Variants in SGCD observed in about 807,000 individuals in gnomAD.
SGCD encodes delta-sarcoglycan.
A neutral mutation model predicts 36.6 loss-of-function variants in SGCD; 18 were observed. That is an observed-to-expected ratio of 0.49 (90% CI 0.34 to 0.73). SGCD has a LOEUF of 0.73. Among genes scored for constraint, SGCD ranks in the 30% least tolerant of loss-of-function variants. The probability of loss-of-function intolerance (pLI) is 0.01; values close to 1 mark genes in which losing one functional copy is unlikely to be tolerated. For missense variants in SGCD, 387 were observed against 346.7 expected, an observed-to-expected ratio of 1.12 and a Z score of -0.92; for synonymous variants, 133 against 130.6, an observed-to-expected ratio of 1.02 and a Z score of -0.12.
At chr5:156,745,801 GA>G (rs1756915899) in intron 7 of SGCD, among the ~76,000 whole-genome samples, 1 of 152,118 alleles carries the variant, frequency 6.6e-6, no homozygotes, top group African/African-American at 2.4e-5. Flanking sequence ...AAATTCCAAT[GA>G]ATATGAGAAA....
chr5:156,356,692 C>T (rs562049524), intron 3 of SGCD, among the ~76,000 whole-genome samples: 1 of 152,254 alleles, frequency 6.6e-6, no homozygotes, highest in African/African-American at 2.4e-5. Flanking sequence ...TTATATGCTC[C>T]TAATCCTTGG....
At chr5:156,637,760 C>G (rs1762884294) in intron 6 of SGCD, among the ~76,000 whole-genome samples, 1 of 152,102 alleles carries the variant, frequency 6.6e-6, no homozygotes, top group Admixed American at 6.6e-5. Context: ...AGTCAGTGGA[C>G]AAGGTAAAAA....
At chr5:155,951,443 G>C (rs1757546311) in intron 1 of SGCD, among the ~76,000 whole-genome samples, 1 of 152,078 alleles carries the variant, frequency 6.6e-6, no homozygotes, top group Non-Finnish European at 1.5e-5. Context: ...TGTATTATGT[G>C]ATTTCATTTA....
At chr5:156,236,801 G>T (rs944226042) in intron 3 of SGCD, among the ~76,000 whole-genome samples, 4 of 151,486 alleles carry the variant, frequency 2.6e-5, no homozygotes, top group East Asian at 2.0e-4. Context: ...AAAGGAACAA[G>T]GTTGTAACCA....
At chr5:156,311,602 A>G (rs1249860359) in intron 3 of SGCD, among the ~76,000 whole-genome samples, 4 of 152,156 alleles carry the variant, frequency 2.6e-5, no homozygotes, top group Non-Finnish European at 5.9e-5. Flanking sequence ...TGTCTTAGGG[A>G]TCTACACAGA....
chr5:155,773,551 A>C, the SGCD span, among the ~76,000 whole-genome samples: 1 of 152,124 alleles, frequency 6.6e-6, no homozygotes, highest in Non-Finnish European at 1.5e-5. Context: ...AGTATGTAGG[A>C]TTAAAAGTTG....
chr5:155,917,587 A>G (rs556361274), intron 1 of SGCD, among the ~76,000 whole-genome samples: 5 of 152,198 alleles, frequency 3.3e-5, no homozygotes, highest in Non-Finnish European at 2.9e-5. Context: ...ACTGTTTTCA[A>G]TGGAAATAAA....
At chr5:156,714,542 T>C (rs941477164) in intron 7 of SGCD, among the ~76,000 whole-genome samples, 1 of 151,794 alleles carries the variant, frequency 6.6e-6, no homozygotes, top group African/African-American at 2.4e-5. Flanking sequence ...AAGTTATGTA[T>C]TGATCAGTTG....
At chr5:156,372,229 T>C (rs1206049846) in intron 3 of SGCD, among the ~76,000 whole-genome samples, 1 of 152,178 alleles carries the variant, frequency 6.6e-6, no homozygotes, top group East Asian at 1.9e-4. Flanking sequence ...AGGAAACATA[T>C]CACTGAATAT....
intron 4 of SGCD, among the ~76,000 whole-genome samples, chr5:156,548,837 A>G (rs1057190064): frequency 3.3e-4 from 50 of 152,192 alleles, no homozygotes; most frequent in African/African-American, 1.2e-3. Context: ...CTGGAAGCAC[A>G]GGGCCGGTCT....
intron 1 of SGCD, among the ~76,000 whole-genome samples, chr5:156,071,269 G>T (rs1160851607): frequency 6.6e-6 from 1 of 152,162 alleles, no homozygotes; most frequent in Non-Finnish European, 1.5e-5. Flanking sequence ...TGGGCATTTA[G>T]TGTTATAAAT....
chr5:156,751,893 C>A (rs1389222260), intron 7 of SGCD, among the ~76,000 whole-genome samples: 7 of 152,200 alleles, frequency 4.6e-5, no homozygotes, highest in African/African-American at 7.2e-5. Flanking sequence ...TGTAGATATG[C>A]AGATCCTTAG....
At chr5:155,844,610 G>C in the SGCD span, among the ~76,000 whole-genome samples, 1 of 152,206 alleles carries the variant, frequency 6.6e-6, no homozygotes, top group Admixed American at 6.5e-5. Context: ...TTTACATCAA[G>C]TGTTTTCCAG....
intron 1 of SGCD, among the ~76,000 whole-genome samples, chr5:155,986,114 G>T (rs1758323615): frequency 6.6e-6 from 1 of 152,110 alleles, no homozygotes; most frequent in Non-Finnish European, 1.5e-5. Context: ...TAATTAATTA[G>T]TTCACTCATT....
intron 4 of SGCD, among the ~76,000 whole-genome samples, chr5:156,538,144 G>A (rs1479010660): frequency 1.3e-5 from 2 of 152,014 alleles, no homozygotes; most frequent in Non-Finnish European, 2.9e-5. Flanking sequence ...AGGCTTAGTG[G>A]TTGACTGAAA....
chr5:156,472,596 T>C (rs1755020182), intron 3 of SGCD, among the ~76,000 whole-genome samples: 1 of 152,112 alleles, frequency 6.6e-6, no homozygotes, highest in African/African-American at 2.4e-5. Flanking sequence ...TTTTGTATTT[T>C]TAGCAGAAAT....
chr5:156,281,169 A>G (rs973736080), intron 3 of SGCD, among the ~76,000 whole-genome samples: 3 of 152,192 alleles, frequency 2.0e-5, no homozygotes, highest in Non-Finnish European at 2.9e-5. Flanking sequence ...GTTTAAAAAT[A>G]TAAGTGCTGG....
chr5:155,948,829 A>G (rs1757497179), intron 1 of SGCD, among the ~76,000 whole-genome samples: 1 of 152,172 alleles, frequency 6.6e-6, no homozygotes, highest in South Asian at 2.1e-4. Context: ...CTTATTCCCT[A>G]TCATCTGTGT....
At chr5:156,390,271 A>G (rs926220941) in intron 3 of SGCD, among the ~76,000 whole-genome samples, 32 of 152,292 alleles carry the variant, frequency 2.1e-4, no homozygotes, top group Middle Eastern at 3.4e-3. Flanking sequence ...GTATTTCAGA[A>G]CAAGACATTG....
Sources: allele counts gnomAD v4.1 joint callset (sites outside exome capture counted in the v4.1 genomes callset), GRCh38; gene constraint gnomAD v4.1.1; transcripts MANE v1.5; gene names NCBI Gene and HGNC (gene_info 2026-07-23, HGNC 2026-07-21).